The following ZFYVE9 variants were observed in gnomAD, a reference collection of about 807,000 sequenced individuals.
The protein encoded by ZFYVE9 is zinc finger FYVE domain-containing protein 9.
A neutral mutation model predicts 126.7 loss-of-function variants in ZFYVE9; 43 were observed. The ratio of observed to expected loss-of-function variants is 0.34; its 90% CI spans 0.27 to 0.44. The LOEUF (loss-of-function observed/expected upper bound fraction) is 0.44. Ranked by LOEUF, ZFYVE9 falls within the 20% of genes least tolerant of loss-of-function variation. The pLI, the probability that ZFYVE9 is intolerant of heterozygous loss-of-function variation, is 1.00. For synonymous variants in ZFYVE9, 521 were observed against 597.4 expected, an observed-to-expected ratio of 0.87 and a Z score of 1.87; for missense variants, 1,476 against 1,697.0, an observed-to-expected ratio of 0.87 and a Z score of 2.29.
intron 2 of ZFYVE9, among the ~76,000 whole-genome samples, chr1:52,218,795 T>C (rs921705176): frequency 6.6e-6 from 1 of 152,072 alleles, no homozygotes; most frequent in African/African-American, 2.4e-5. Flanking sequence ...ATTTTTGTGG[T>C]TTTGGGAAGC....
chr1:52,346,338 GAATA>G lies in ZFYVE9; in HGVS notation c.*118_*121del. ...TTGTTAACACTATTAATGGGGTGGG[GAATA>G]GGGTGGGAGTGGGGGTTTGGGAGAC... On this transcript the variant is annotated 3_prime_UTR_variant, in exon 19 of 19. Transcript: ENST00000287727. 3.3e-6 allele frequency: 1 copy of G among 302,818 alleles called. No homozygotes were observed. Among genetic ancestry groups the G allele is most frequent in the Non-Finnish European group, 6.5e-6 (1 of 155,008 alleles). The allele number at this position is 302,818 out of a possible 1,614,324, so 18.8% of individuals were successfully genotyped here.
At chr1:52,284,268 GAC>G (rs1358547913) in intron 10 of ZFYVE9, among the ~76,000 whole-genome samples, 2 of 152,140 alleles carry the variant, frequency 1.3e-5, no homozygotes, top group Non-Finnish European at 2.9e-5. Flanking sequence ...AGATTTTGGA[GAC>G]ACAGCTTTCC....
At chr1:52,291,309 A>C (rs77471094) in intron 10 of ZFYVE9, among the ~76,000 whole-genome samples, 1 of 152,190 alleles carries the variant, frequency 6.6e-6, no homozygotes, top group African/African-American at 2.4e-5. Flanking sequence ...GGATGCAAAG[A>C]CCCATAACCA....
chr1:52,178,491 C>T (rs953587222), intron 1 of ZFYVE9, among the ~76,000 whole-genome samples: 11 of 151,638 alleles, frequency 7.3e-5, no homozygotes, highest in Admixed American at 2.0e-4. Context: ...CCACCATGCC[C>T]GGCTAATTTC....
At position 52,239,399 on chromosome 1, in the gene ZFYVE9, G is replaced by C; in HGVS notation, c.1982G>C (p.Cys661Ser). 1 of 1,614,166 alleles carries C rather than the reference G, an allele frequency of 6.2e-7. No homozygotes were observed. Among genetic ancestry groups the C allele is most frequent in the Non-Finnish European group, 8.5e-7 (1 of 1,180,020 alleles). ...GAGGCTGAGATCTCCACTAGACCAT[G>C]CCTTGCATTAGCTCCAGATAGCCCA... ...SYEAEISTRP[C>S]LALAPDSPDN... Residue 661 changes from cysteine (C) to serine (S), a missense_variant, in exon 4 of 19, where the codon TGC (cysteine) becomes TCC (serine). Coordinates refer to ENST00000287727, the MANE Select transcript of ZFYVE9 (RefSeq NM_004799.4).
chr1:52,206,742 G>A (rs1248134553), intron 1 of ZFYVE9, among the ~76,000 whole-genome samples: 9 of 152,108 alleles, frequency 5.9e-5, no homozygotes, highest in African/African-American at 1.9e-4. Context: ...CAGAGACGGG[G>A]TTTCGCCATG....
chr1:52,247,889 C>G (rs774567212), intron 4 of ZFYVE9, among the ~76,000 whole-genome samples: 5 of 152,106 alleles, frequency 3.3e-5, no homozygotes, highest in Admixed American at 2.0e-4. Context: ...ATGAATTTCA[C>G]TATTCTAGGT....
chr1:52,160,468 G>A (rs1432815207), intron 1 of ZFYVE9: 4 of 822,264 alleles, frequency 4.9e-6, no homozygotes, highest in Admixed American at 1.7e-5. Context: ...TTACCAGCTG[G>A]AATGGACGAG....
intron 4 of ZFYVE9, among the ~76,000 whole-genome samples, chr1:52,251,294 G>A (rs1645444153): frequency 1.3e-5 from 2 of 151,838 alleles, no homozygotes; most frequent in South Asian, 2.1e-4. Flanking sequence ...CTAGCTTTCG[G>A]TCTTTTACCA....
chr1:52,237,382 C>T, intron 3 of ZFYVE9, 106 bp from the exon 4 acceptor site: 1 of 1,034,014 alleles, frequency 9.7e-7, no homozygotes, highest in South Asian at 1.8e-5. Flanking sequence ...ATCTAATATC[C>T]TTGGAATATT....
At chr1:52,236,622 C>T (rs968064259) in intron 3 of ZFYVE9, among the ~76,000 whole-genome samples, 2 of 152,076 alleles carry the variant, frequency 1.3e-5, no homozygotes, top group African/African-American at 4.8e-5. Flanking sequence ...AAAAAGTAAA[C>T]AGAAACATTA....
intron 1 of ZFYVE9, among the ~76,000 whole-genome samples, chr1:52,147,515 C>T (rs894531728): frequency 6.6e-5 from 10 of 152,286 alleles, no homozygotes; most frequent in African/African-American, 2.4e-4. Flanking sequence ...ACTGGTTTCT[C>T]TTACTTAGCA....
At chr1:52,310,897 G>T (rs1009376741) in intron 13 of ZFYVE9, among the ~76,000 whole-genome samples, 3 of 152,158 alleles carry the variant, frequency 2.0e-5, no homozygotes, top group Admixed American at 6.5e-5. Context: ...TTGAGACAGG[G>T]TCTTGCTGTG....
At chr1:52,285,542 A>G (rs545905460) in intron 10 of ZFYVE9, among the ~76,000 whole-genome samples, 51 of 152,250 alleles carry the variant, frequency 3.3e-4, no homozygotes, top group African/African-American at 1.1e-3. Flanking sequence ...CCTGTTGTGA[A>G]CTGCGCGTGT....
intron 2 of ZFYVE9, among the ~76,000 whole-genome samples, chr1:52,228,075 ATTT>A (rs541204559): frequency 6.6e-6 from 1 of 151,798 alleles, no homozygotes; most frequent in African/African-American, 2.4e-5. Flanking sequence ...TTTATTTAGA[ATTT>A]TTTTATTTAT....
At chr1:52,299,377 C>T (rs943439819) in intron 12 of ZFYVE9, among the ~76,000 whole-genome samples, 17 of 152,196 alleles carry the variant, frequency 1.1e-4, no homozygotes, top group Non-Finnish European at 1.0e-4. Flanking sequence ...CACAATTTGA[C>T]TTTCCAGTTT....
intron 14 of ZFYVE9, 103 bp from the exon 15 acceptor site, chr1:52,334,585 T>C: frequency 8.4e-7 from 1 of 1,193,546 alleles, no homozygotes; most frequent in South Asian, 1.3e-5. Flanking sequence ...AAATTTTCTG[T>C]GTGATGATGG....
chr1:52,166,710 C>T (rs547943118), intron 1 of ZFYVE9, among the ~76,000 whole-genome samples: 35 of 152,050 alleles, frequency 2.3e-4, no homozygotes, highest in African/African-American at 6.0e-4. Context: ...CCCAGGAGTT[C>T]GAGACCAGCC....
intron 10 of ZFYVE9, among the ~76,000 whole-genome samples, chr1:52,282,533 G>A (rs1645814996): frequency 6.6e-6 from 1 of 152,136 alleles, no homozygotes; most frequent in South Asian, 2.1e-4. Context: ...AAGAAGGCCT[G>A]GAGAGGGTGT....
Sources: allele counts gnomAD v4.1 joint callset (sites outside exome capture counted in the v4.1 genomes callset), GRCh38; gene constraint gnomAD v4.1.1; transcripts MANE v1.5; gene names NCBI Gene and HGNC (gene_info 2026-07-23, HGNC 2026-07-21).